UPRT: variants seen among roughly 807,000 people sequenced by gnomAD.
UPRT encodes RP11-311P8.3.
A neutral mutation model predicts 22.6 loss-of-function variants in UPRT; 5 were observed. The observed-to-expected ratio is 0.22, with a 90% CI of 0.12 to 0.47. The LOEUF is 0.47. Among genes scored for constraint, UPRT ranks in the 20% least tolerant of loss-of-function variants. The pLI is 0.99. For synonymous variants in UPRT, 77 were observed against 87.7 expected, an observed-to-expected ratio of 0.88 and a Z score of 0.68; for missense variants, 181 against 239.9, an observed-to-expected ratio of 0.75 and a Z score of 1.62.
intron 4 of UPRT, among the ~76,000 whole-genome samples, chrX:75,196,873 A>ATAC (rs2082334121): frequency 9.0e-6 from 1 of 111,661 alleles, no homozygotes. Context: ...AATAATAATA[A>ATAC]TAAAAGTGAT....
chrX:75,182,090 A>G (rs1287364863), intron 4 of UPRT, among the ~76,000 whole-genome samples: 1 of 112,128 alleles, frequency 8.9e-6, no homozygotes, highest in Non-Finnish European at 1.9e-5. Flanking sequence ...GCTTTTCTGC[A>G]TCTATTGAGA....
intron 4 of UPRT, among the ~76,000 whole-genome samples, chrX:75,214,175 A>G: frequency 8.9e-6 from 1 of 112,698 alleles, no homozygotes; most frequent in South Asian, 3.7e-4. Flanking sequence ...TAACAGAAAG[A>G]TAGCTGGAAA....
intron 4 of UPRT, among the ~76,000 whole-genome samples, chrX:75,245,712 G>A (rs2082502956): frequency 8.9e-6 from 1 of 111,841 alleles, no homozygotes. Context: ...AATACCACAT[G>A]TTCTCACTTA....
At chrX:75,183,804 G>A (rs1297770837) in intron 4 of UPRT, among the ~76,000 whole-genome samples, 1 of 112,027 alleles carries the variant, frequency 8.9e-6, no homozygotes, top group Non-Finnish European at 1.9e-5. Flanking sequence ...TGTGTCTGTT[G>A]GCTGCATAAA....
chrX:75,204,229 G>T (rs2082356579), intron 4 of UPRT, among the ~76,000 whole-genome samples: 1 of 111,464 alleles, frequency 9.0e-6, no homozygotes, highest in South Asian at 3.9e-4. Flanking sequence ...GGTGCTGAGT[G>T]CAGCAGAGAT....
At chrX:75,227,641 A>T (rs1226365847) in intron 4 of UPRT, among the ~76,000 whole-genome samples, 1 of 112,568 alleles carries the variant, frequency 8.9e-6, no homozygotes, top group Non-Finnish European at 1.9e-5. Context: ...TTCATGGGGT[A>T]CCCCAACTGA....
intron 4 of UPRT, among the ~76,000 whole-genome samples, chrX:75,223,728 G>A (rs1456658928): frequency 1.8e-5 from 2 of 111,393 alleles, no homozygotes; most frequent in Non-Finnish European, 3.8e-5. Flanking sequence ...ATGGAGGCGG[G>A]GTGGTGTCAG....
chrX:75,203,511 C>G (rs1160258434), intron 4 of UPRT, among the ~76,000 whole-genome samples: 1 of 97,235 alleles, frequency 1.0e-5, no homozygotes, highest in Admixed American at 1.1e-4. Context: ...CACACACACA[C>G]ACACTCACAC....
chrX:75,247,321 C>T (rs1569273533), intron 4 of UPRT, among the ~76,000 whole-genome samples: 1 of 111,339 alleles, frequency 9.0e-6, no homozygotes, highest in Non-Finnish European at 1.9e-5. Flanking sequence ...AGGGAATTCC[C>T]TTTCCTAGTC....
Position 75,246,952 on chromosome X carries a change from G to C in UPRT, c.-446-44072G>C, listed in dbSNP as rs184417782. Among the ~76,000 whole-genome samples, 5 of 111,853 alleles carry C rather than the reference G, an allele frequency of 4.5e-5. No individual in the cohort carries two copies. In the Admixed American group the frequency reaches 4.8e-4, roughly 11 times the overall value. On this transcript the variant is annotated intron_variant, in intron 4 of 13. Coordinates refer to the UPRT transcript ENST00000652605. Reference sequence around the variant, plus strand: ...TTGAGAATAAGCATGTCACTTTATAGACAGGGAAAGTGAAATACAGAGAGA... The same window carrying C: ...TTGAGAATAAGCATGTCACTTTATACACAGGGAAAGTGAAATACAGAGAGA...
intron 4 of UPRT, among the ~76,000 whole-genome samples, chrX:75,244,609 A>G (rs184176879): frequency 1.8e-5 from 2 of 111,608 alleles, no homozygotes; most frequent in East Asian, 2.8e-4. Context: ...AGAGCCCAGA[A>G]ATAATGCCAC....
chrX:75,198,662 C>T (rs1347070952), intron 4 of UPRT, among the ~76,000 whole-genome samples: 1 of 111,345 alleles, frequency 9.0e-6, no homozygotes, highest in Non-Finnish European at 1.9e-5. Context: ...GAAGATAAAC[C>T]TGAAGAAATG....
chrX:75,170,853 A>G (rs2082225492), intron 4 of UPRT, among the ~76,000 whole-genome samples: 1 of 111,778 alleles, frequency 8.9e-6, no homozygotes, highest in Non-Finnish European at 1.9e-5. Flanking sequence ...TTTGCTGCAT[A>G]CAAAATTCTT....
chrX:75,203,080 CA>C (rs775154680), intron 4 of UPRT, among the ~76,000 whole-genome samples: 1 of 111,327 alleles, frequency 9.0e-6, no homozygotes, highest in East Asian at 2.8e-4. Flanking sequence ...CACATAGCCT[CA>C]AAATAAAGGG....
At chrX:75,264,345 T>A (rs184765072) in intron 4 of UPRT, among the ~76,000 whole-genome samples, 1 of 111,467 alleles carries the variant, frequency 9.0e-6, no homozygotes, top group South Asian at 3.8e-4. Context: ...CCATTATTAT[T>A]GTGTGGGTGT....
chrX:75,292,215 A>G (rs2082710774), intron 1 of UPRT, among the ~76,000 whole-genome samples: 1 of 111,744 alleles, frequency 8.9e-6, no homozygotes, highest in African/African-American at 3.2e-5. Context: ...TTTGCAGTTC[A>G]CTGAGTGAAG....
At chrX:75,200,525 C>T (rs777263664) in intron 4 of UPRT, among the ~76,000 whole-genome samples, 2 of 112,256 alleles carry the variant, frequency 1.8e-5, no homozygotes, top group African/African-American at 3.2e-5. Flanking sequence ...ACCCAAGAGC[C>T]GGAGATTGCA....
intron 4 of UPRT, among the ~76,000 whole-genome samples, chrX:75,180,999 T>C (rs2082268697): frequency 9.0e-6 from 1 of 110,867 alleles, no homozygotes; most frequent in African/African-American, 3.3e-5. Context: ...TTTTGGGTTT[T>C]AAATTTATGT....
At chrX:75,181,367 T>A (rs747928919) in intron 4 of UPRT, among the ~76,000 whole-genome samples, 1 of 111,972 alleles carries the variant, frequency 8.9e-6, no homozygotes, top group South Asian at 3.7e-4. Context: ...TAAAATAGTT[T>A]TTTTCTAATT....
Sources: allele counts gnomAD v4.1 joint callset (sites outside exome capture counted in the v4.1 genomes callset), GRCh38; gene constraint gnomAD v4.1.1; transcripts MANE v1.5; gene names NCBI Gene and HGNC (gene_info 2026-07-23, HGNC 2026-07-21).